The following CPAMD8 variants were observed in gnomAD, a reference collection of about 807,000 sequenced individuals.
CPAMD8 encodes the protein C3 and PZP like alpha-2-macroglobulin domain containing 8, also known as C3 and PZP-like alpha-2-macroglobulin domain-containing protein 8.
A neutral mutation model predicts 224.7 loss-of-function variants in CPAMD8; 146 were observed. The ratio of observed to expected loss-of-function variants is 0.65; its 90% CI spans 0.57 to 0.75. CPAMD8 has a LOEUF of 0.75. Ranked by LOEUF, CPAMD8 falls within the 30% of genes least tolerant of loss-of-function variation. The probability of loss-of-function intolerance (pLI) is 0.00; values close to 1 mark genes in which losing one functional copy is unlikely to be tolerated. For synonymous variants in CPAMD8, 966 were observed against 1,044.6 expected (o/e 0.92, Z 1.45); for missense variants, 2,301 against 2,537.5 (o/e 0.91, Z 2.00).
intron 41 of CPAMD8, chr19:16,894,638 CCA>C (rs2051887684): frequency 2.7e-6 from 1 of 368,156 alleles, no homozygotes; most frequent in Admixed American, 3.2e-5. Flanking sequence ...TTCCAGTGGA[CCA>C]CAGTGATGGG....
intron 1 of CPAMD8, among the ~76,000 whole-genome samples, chr19:17,025,166 T>C (rs997902360): frequency 2.0e-5 from 3 of 152,162 alleles, no homozygotes; most frequent in African/African-American, 7.2e-5. Context: ...ATCCCAGCAC[T>C]TTGGGAGGCG....
chr19:17,022,326 G>GC (rs996868102), intron 1 of CPAMD8, 145 bp from the exon 2 acceptor site: 56 of 859,978 alleles, frequency 6.5e-5, no homozygotes, highest in South Asian at 1.6e-4. Context: ...AGGAGTCTGT[G>GC]CCCCCCCATC....
intron 3 of CPAMD8, among the ~76,000 whole-genome samples, chr19:17,016,149 T>C (rs559963854): frequency 6.6e-6 from 1 of 152,132 alleles, no homozygotes; most frequent in Non-Finnish European, 1.5e-5. Flanking sequence ...GGACAGGCTC[T>C]CAACTATGTT....
At chr19:17,003,069 A>G (rs1044911358) in intron 8 of CPAMD8, among the ~76,000 whole-genome samples, 2 of 151,380 alleles carry the variant, frequency 1.3e-5, no homozygotes, top group Non-Finnish European at 1.5e-5. Context: ...CGCCTGGCTA[A>G]TTTTTGTATT....
chr19:17,024,904 G>C (rs1304572804), intron 1 of CPAMD8, among the ~76,000 whole-genome samples: 1 of 152,300 alleles, frequency 6.6e-6, no homozygotes. Flanking sequence ...TGACAGAAGT[G>C]GGCATCCAGA....
At chr19:17,015,482 C>T (rs1210253685) in intron 3 of CPAMD8, among the ~76,000 whole-genome samples, 3 of 152,070 alleles carry the variant, frequency 2.0e-5, no homozygotes, top group African/African-American at 4.8e-5. Flanking sequence ...TGAAGCCACA[C>T]GGGGTCCGTC....
intron 20 of CPAMD8, 90 bp downstream of exon 20, chr19:16,951,879 A>T: frequency 1.2e-6 from 1 of 817,288 alleles, no homozygotes; most frequent in Non-Finnish European, 2.0e-6. Flanking sequence ...CCAAGCTGAC[A>T]CTGTCCCACC....
In CPAMD8 at chr19:16,899,947, C is replaced by T. The variant is rs537839281; in HGVS notation, c.4774-398G>A. Among the ~76,000 whole-genome samples the T allele has an allele frequency of 7.9e-5, 12 of 151,746 alleles. No individual in the cohort carries two copies. The South Asian group carries it at 1.7e-3, about 21-fold the overall frequency. ...GATTTAAAAAAATCCACACCCACTC[C>T]AAGGCCTCTGAATTGACCACATCCT... On this transcript the variant is annotated intron_variant, in intron 36 of 41. Transcript: ENST00000443236. This position sits in a 1 kb window ranked among gnomAD's most constrained non-coding sequence, Gnocchi z 5.4.
At chr19:16,903,371 G>C (rs1449023638) in intron 34 of CPAMD8, among the ~76,000 whole-genome samples, 190 bp downstream of exon 34, 1 of 143,518 alleles carries the variant, frequency 7.0e-6, no homozygotes, top group Non-Finnish European at 1.5e-5. Flanking sequence ...AGGTGTGGGG[G>C]TGGCACACCT....
chr19:16,990,418 CA>C (rs2055897981), intron 12 of CPAMD8, among the ~76,000 whole-genome samples: 1 of 151,636 alleles, frequency 6.6e-6, no homozygotes, highest in Admixed American at 6.6e-5. Flanking sequence ...CCAGTCTCTA[CA>C]AAAAATTTGT....
chr19:16,995,252 T>A (rs190573413), intron 11 of CPAMD8, among the ~76,000 whole-genome samples: 41 of 152,300 alleles, frequency 2.7e-4, no homozygotes, highest in Non-Finnish European at 5.1e-4. Flanking sequence ...GCATCACTCA[T>A]GGACGGCAAA....
intron 18 of CPAMD8, among the ~76,000 whole-genome samples, chr19:16,966,550 C>T (rs2054833266): frequency 6.6e-6 from 1 of 152,146 alleles, no homozygotes; most frequent in Admixed American, 6.6e-5. Context: ...TCAGAGTGAA[C>T]AGGCAACCTA....
intron 26 of CPAMD8, among the ~76,000 whole-genome samples, chr19:16,924,856 A>G (rs796409526): frequency 7.2e-5 from 11 of 152,254 alleles, no homozygotes; most frequent in African/African-American, 2.6e-4. Context: ...AAGTGTTGGG[A>G]TTACAGGCAT....
chr19:16,897,867 G>A (rs2052088727), intron 38 of CPAMD8, 22 bp downstream of exon 38: 1 of 1,592,932 alleles, frequency 6.3e-7, no homozygotes, highest in Non-Finnish European at 8.5e-7. Context: ...GCCGGGCCGG[G>A]GGTGCGGGCG....
chr19:16,921,848 G>A (rs1209563606), intron 27 of CPAMD8, 57 bp downstream of exon 27: 4 of 1,134,490 alleles, frequency 3.5e-6, no homozygotes, highest in East Asian at 5.1e-5. Context: ...TTGGATGTGA[G>A]GCCATGGCGT....
chr19:16,948,839 AAGG>A (rs2054193591), intron 20 of CPAMD8, among the ~76,000 whole-genome samples: 1 of 80,206 alleles, frequency 1.2e-5, no homozygotes, highest in Admixed American at 1.3e-4. Flanking sequence ...AAGGGAGGAG[AAGG>A]GAAGAGAAGG....
At chr19:16,955,330 A>G (rs1188247003) in intron 19 of CPAMD8, among the ~76,000 whole-genome samples, 2 of 152,008 alleles carry the variant, frequency 1.3e-5, no homozygotes, top group Non-Finnish European at 2.9e-5. Context: ...AAATTCTGAC[A>G]TGGATTCTCC....
Position 16,996,816 on chromosome 19 carries a change from C to T in CPAMD8, c.1095+295G>A, listed in dbSNP as rs548139489. Among the ~76,000 whole-genome samples the T allele has an allele frequency of 1.0e-3, 53 of 50,676 alleles. No homozygotes were observed. The South Asian group carries it at 0.013, about 13-fold the overall frequency. 33.2% of individuals were successfully genotyped at this position (50,676 alleles called of 152,430 possible). The stretch of plus-strand genomic sequence containing the variant: ...CCTGGGCGATGGAGTGTGACTATCT[C>T]TAAAAAAAAAAAAAAAAAAAAAGAA... On this transcript the variant is annotated intron_variant, in intron 11 of 41. Coordinates refer to ENST00000443236, the MANE Select transcript of CPAMD8 (RefSeq NM_015692.5).
chr19:16,913,219 G>C (rs144886900), intron 29 of CPAMD8, among the ~76,000 whole-genome samples: 41 of 152,174 alleles, frequency 2.7e-4, no homozygotes, highest in African/African-American at 9.1e-4. Flanking sequence ...ATGTGGAGGA[G>C]GACTTCTGAG....
Sources: allele counts gnomAD v4.1 joint callset (sites outside exome capture counted in the v4.1 genomes callset), GRCh38; gene constraint gnomAD v4.1.1; non-coding constraint Gnocchi (gnomAD v3.1); transcripts MANE v1.5; gene names NCBI Gene and HGNC (gene_info 2026-07-23, HGNC 2026-07-21).